TMEM43: variants seen among roughly 807,000 people sequenced by gnomAD.
The protein encoded by TMEM43 is arrhythmogenic right ventricular dysplasia 5.
Under a neutral mutation model 49.6 loss-of-function variants are expected in TMEM43, and 45 were observed. The ratio of observed to expected loss-of-function variants is 0.91; its 90% CI spans 0.71 to 1.16. TMEM43 has a LOEUF of 1.16. Ranked by LOEUF, TMEM43 falls within the 50% of genes most tolerant of loss-of-function variation. The pLI is 0.00. For missense variants in TMEM43, 532 were observed against 516.6 expected (o/e 1.03, Z -0.29); for synonymous variants, 199 against 207.8 (o/e 0.96, Z 0.36).
At chr3:14,141,333 C>T (rs915972637) in intron 11 of TMEM43, among the ~76,000 whole-genome samples, 5 of 152,204 alleles carry the variant, frequency 3.3e-5, no homozygotes, top group African/African-American at 1.2e-4. Flanking sequence ...TTAAAGTTTA[C>T]AAAGCACTGC....
intron 5 of TMEM43, 28 bp downstream of exon 5, chr3:14,132,623 C>T: frequency 6.2e-7 from 1 of 1,613,284 alleles, no homozygotes; most frequent in South Asian, 1.1e-5. Context: ...TACGTGGTCT[C>T]TGCCCATGGT....
chr3:14,134,289 G>A (rs191398502), intron 7 of TMEM43, among the ~76,000 whole-genome samples: 121 of 152,362 alleles, frequency 7.9e-4, no homozygotes, highest in South Asian at 3.9e-3. Flanking sequence ...ATGGGCCAGA[G>A]TAACCCTGGG....
intron 1 of TMEM43, 62 bp downstream of exon 1, chr3:14,125,267 C>T: frequency 6.4e-7 from 1 of 1,560,650 alleles, no homozygotes; most frequent in South Asian, 1.2e-5. Context: ...GGGCTTTTCC[C>T]CGGGGTCCTC....
chr3:14,130,129 C>CT (rs999030405), intron 2 of TMEM43, among the ~76,000 whole-genome samples: 3 of 149,690 alleles, frequency 2.0e-5, no homozygotes, highest in South Asian at 2.1e-4. Context: ...TCTTTTTCTC[C>CT]TTTTTTTTAA....
rs767516734 is a variant in TMEM43 at position 14,132,920 on chromosome 3, G to C, written c.497G>C (p.Gly166Ala). 1.9e-6 allele frequency: 3 copies of C among 1,613,926 alleles called. No individual in the cohort carries two copies. The Admixed American group carries it at 5.0e-5, about 27-fold the overall frequency. The change falls in exon 6 of 12, where the codon GGC (glycine) becomes GCC (alanine). Residue 166 changes from glycine to alanine, a missense_variant. Physicochemically the swap from Gly to Ala is moderately conservative, Grantham distance 60. Coordinates refer to ENST00000306077, the MANE Select transcript of TMEM43 (RefSeq NM_024334.3). ...INSKNFDREI[G>A]HKNPSAMAVE... ...AGCAAAAACTTCGACCGAGAGATTG[G>C]CCACAAAAACCCCAGGTGAGAGCCA... is the stretch of plus-strand genomic sequence containing the variant.
chr3:14,139,373 C>G (rs1574941254), intron 11 of TMEM43, 76 bp downstream of exon 11: 1 of 1,045,478 alleles, frequency 9.6e-7, no homozygotes, highest in Non-Finnish European at 1.5e-6. Context: ...ATCATCTCAG[C>G]CCTTCCAGCC....
chr3:14,140,020 A>G (rs1695227146), intron 11 of TMEM43, among the ~76,000 whole-genome samples: 1 of 152,186 alleles, frequency 6.6e-6, no homozygotes, highest in Non-Finnish European at 1.5e-5. Context: ...ACATGATTGC[A>G]TCAGTCTTCT....
intron 1 of TMEM43, among the ~76,000 whole-genome samples, chr3:14,126,459 T>A (rs1000484109): frequency 6.6e-6 from 1 of 152,084 alleles, no homozygotes. Flanking sequence ...GACACGGAAA[T>A]ATGCTGAAAA....
At position 14,142,130 on chromosome 3, in the gene TMEM43, C is replaced by T. The variant is rs748127702; in HGVS notation, c.*335C>T. The T allele has an allele frequency of 2.1e-5, 8 of 383,426 alleles. No homozygotes were observed. Among genetic ancestry groups the T allele is most frequent in the South Asian group, 7.5e-5 (3 of 39,780 alleles). The allele number at this position is 383,426 out of a possible 1,614,324, so 23.8% of individuals were successfully genotyped here. On this transcript the variant is annotated 3_prime_UTR_variant, in exon 12 of 12. Coordinates refer to ENST00000306077, the MANE Select transcript of TMEM43 (RefSeq NM_024334.3). ...CCATTGGCAGCTGACAACGCAGACA[C>T]GCTCTACGGAGGCCTGCTGATAAAG...
In TMEM43 at chr3:14,132,403, T is replaced by C. The variant is rs536644414; in HGVS notation, c.393-143T>C. The C allele has an allele frequency of 6.2e-6, 5 of 805,206 alleles. No homozygotes were observed. The South Asian group carries it at 7.4e-5, about 12-fold the overall frequency. The allele number at this position is 805,206 out of a possible 1,614,324, so 49.9% of individuals were successfully genotyped here. A position where few individuals can be genotyped will look rare whatever the true frequency, so the allele number is the denominator to read the frequency against. On this transcript the variant is annotated intron_variant, in intron 4 of 11. Transcript: ENST00000306077. ...TCTGTCAGGAGTGAGTGCCCTGTCT[T>C]GGGGCTGGTGTAGAGAAGGCATCTG...
chr3:14,132,085 A>G (rs1695103885), intron 4 of TMEM43, among the ~76,000 whole-genome samples: 1 of 152,142 alleles, frequency 6.6e-6, no homozygotes, highest in Non-Finnish European at 1.5e-5. Flanking sequence ...CAGGAGTCCC[A>G]GGGCAGGTTC....
chr3:14,125,285 A>G (rs914717453), intron 1 of TMEM43, 80 bp downstream of exon 1: 50 of 1,524,490 alleles, frequency 3.3e-5, no homozygotes, highest in Non-Finnish European at 3.5e-5. Flanking sequence ...CTCTAGGTCC[A>G]TTTCGCCGCC....
chr3:14,128,772 AG>A, intron 1 of TMEM43: 1 of 279,962 alleles, frequency 3.6e-6, no homozygotes, highest in South Asian at 3.1e-5. Context: ...TTGTACTCCT[AG>A]GTATATTCCT....
chr3:14,129,832 C>A (rs1306486645), intron 2 of TMEM43, among the ~76,000 whole-genome samples: 10 of 152,144 alleles, frequency 6.6e-5, no homozygotes, highest in Non-Finnish European at 1.0e-4. Flanking sequence ...TGCTGGGTCA[C>A]CAGGAATCTC....
intron 11 of TMEM43, among the ~76,000 whole-genome samples, chr3:14,140,535 A>AGC (rs1695233357): frequency 6.6e-6 from 1 of 152,174 alleles, no homozygotes; most frequent in South Asian, 2.1e-4. Flanking sequence ...CTAGAGACAG[A>AGC]CAAGACTTAG....
chr3:14,134,678 A>G (rs1427101505), intron 7 of TMEM43, 92 bp from the exon 8 acceptor site: 79 of 1,557,086 alleles, frequency 5.1e-5, no homozygotes, highest in Non-Finnish European at 6.5e-5. Flanking sequence ...TGCAGGCTCC[A>G]GGGGTGCAGT....
intron 1 of TMEM43, among the ~76,000 whole-genome samples, chr3:14,126,502 C>T (rs911830969): frequency 1.3e-5 from 2 of 152,180 alleles, no homozygotes; most frequent in Non-Finnish European, 2.9e-5. Flanking sequence ...GACCTGGGGG[C>T]AATCCAGATT....
intron 2 of TMEM43, among the ~76,000 whole-genome samples, chr3:14,130,021 C>G (rs144109781): frequency 6.6e-6 from 1 of 151,404 alleles, no homozygotes; most frequent in Non-Finnish European, 1.5e-5. Flanking sequence ...CCCTCCCTCC[C>G]TCCCTCCCTT....
chr3:14,125,269 G>A (rs942925546), intron 1 of TMEM43, 64 bp downstream of exon 1: 13 of 1,556,596 alleles, frequency 8.4e-6, no homozygotes, highest in Non-Finnish European at 1.1e-5. Context: ...GCTTTTCCCC[G>A]GGGTCCTCTA....
Sources: gnomAD v4.1 joint callset for allele counts (sites outside exome capture counted in the v4.1 genomes callset) on GRCh38, gnomAD v4.1.1 for gene constraint, MANE v1.5 for transcripts, NCBI Gene and HGNC (gene_info 2026-07-23, HGNC 2026-07-21) for gene names.